Variants in AZIN2 observed in about 807,000 individuals in gnomAD.
AZIN2 encodes the protein antizyme inhibitor 2.
In AZIN2, 28 loss-of-function variants were observed where a neutral mutation model predicts 47.8. The ratio of observed to expected loss-of-function variants is 0.59; its 90% CI spans 0.43 to 0.80. AZIN2 has a LOEUF of 0.80. Ranked by LOEUF, AZIN2 falls within the 30% of genes least tolerant of loss-of-function variation. The pLI is 0.00. For missense variants in AZIN2, 535 were observed against 582.5 expected, an observed-to-expected ratio of 0.92 and a Z score of 0.84; for synonymous variants, 221 against 239.4, an observed-to-expected ratio of 0.92 and a Z score of 0.71.
the AZIN2 span, among the ~76,000 whole-genome samples, chr1:33,141,124 C>T: frequency 2.0e-5 from 3 of 152,046 alleles, no homozygotes; most frequent in Admixed American, 6.5e-5. Flanking sequence ...GACTGGCATG[C>T]ACACCCCAGG....
the AZIN2 span, among the ~76,000 whole-genome samples, chr1:33,150,612 C>T: frequency 9.8e-5 from 15 of 152,298 alleles, no homozygotes; most frequent in East Asian, 1.4e-3. Context: ...CAAGAGAGGA[C>T]GGCCACTGAG....
chr1:33,083,671 G>A, intron 4 of AZIN2: 1 of 483,108 alleles, frequency 2.1e-6, no homozygotes, highest in East Asian at 4.0e-5. Flanking sequence ...TATTCTGCAG[G>A]ACATGGTGGG....
At chr1:33,101,939 C>T in intron 10 of AZIN2, 1 of 768,610 alleles carries the variant, frequency 1.3e-6, no homozygotes, top group Non-Finnish European at 2.4e-6. Context: ...ATTCTCCTCT[C>T]AAGGCATTTG....
At chr1:33,129,857 A>ATTAT in the AZIN2 span, among the ~76,000 whole-genome samples, 2 of 152,044 alleles carry the variant, frequency 1.3e-5, no homozygotes, top group African/African-American at 2.4e-5. This position sits in a 1 kb window ranked among gnomAD's most constrained non-coding sequence, Gnocchi z 4.1. Context: ...AGCTTTGCAC[A>ATTAT]TTATTTATTT....
chr1:33,122,543 G>T lies in AZIN2; in HGVS notation c.*2361G>T, dbSNP rs1644814845. The stretch of plus-strand genomic sequence containing the variant: ...GAAAAAAGCCTGAAATGTGGAGAAT[G>T]GTAAGGGGCTTCAGGCTTGTGCAGG... On this transcript the variant is annotated 3_prime_UTR_variant, in exon 12 of 12. Coordinates refer to ENST00000294517, the MANE Select transcript of AZIN2 (RefSeq NM_052998.4). Among the ~76,000 whole-genome samples the T allele has an allele frequency of 6.6e-6, 1 of 152,188 alleles. No individual in the cohort carries two copies.
chr1:33,157,434 G>A, the AZIN2 span, among the ~76,000 whole-genome samples: 2 of 151,718 alleles, frequency 1.3e-5, no homozygotes, highest in African/African-American at 4.8e-5. Flanking sequence ...AGTGCGGGCT[G>A]GTTCCTGGAC....
intron 10 of AZIN2, among the ~76,000 whole-genome samples, chr1:33,114,057 G>T (rs1644404054): frequency 6.6e-6 from 1 of 151,618 alleles, no homozygotes; most frequent in South Asian, 2.1e-4. Context: ...TTGGCCATAG[G>T]GTTTTTTTTT....
rs191481980 is a variant in AZIN2, at chr1:33,110,963, A to G, written c.1030-6939A>G. 3.4e-3 allele frequency among the ~76,000 whole-genome samples: 519 copies of G among 152,334 alleles called. 5 individuals carry two copies. The highest frequency in any genetic ancestry group is 5.1e-3 in the Non-Finnish European group (348 of 68,026). On this transcript the variant is annotated intron_variant, in intron 10 of 11. Transcript: ENST00000294517. Reference sequence around the variant, plus strand: ...ACAGAGGAGGAGGGCTCCTCCCTCCAAGGCTGATATTGAAACCTTTGAGGA... The same window carrying G: ...ACAGAGGAGGAGGGCTCCTCCCTCCGAGGCTGATATTGAAACCTTTGAGGA...
At chr1:33,144,230 C>T in the AZIN2 span, among the ~76,000 whole-genome samples, 8 of 152,170 alleles carry the variant, frequency 5.3e-5, no homozygotes, top group South Asian at 2.1e-4. Flanking sequence ...CTCCGCCTCC[C>T]GGGTTCAAGA....
At chr1:33,108,906 T>G (rs1644152697) in intron 10 of AZIN2, among the ~76,000 whole-genome samples, 1 of 152,210 alleles carries the variant, frequency 6.6e-6, no homozygotes, top group Admixed American at 6.5e-5. Flanking sequence ...AATTGCTGGA[T>G]CATATGGTAA....
the AZIN2 span, among the ~76,000 whole-genome samples, chr1:33,134,113 A>G: frequency 2.6e-5 from 4 of 152,196 alleles, no homozygotes; most frequent in African/African-American, 9.7e-5. Flanking sequence ...GTGCTTCCCC[A>G]CAAGCATGCT....
chr1:33,084,716 G>T (rs1027320147), intron 5 of AZIN2, among the ~76,000 whole-genome samples: 1 of 152,048 alleles, frequency 6.6e-6, no homozygotes, highest in African/African-American at 2.4e-5. Context: ...CCTGCCCTCA[G>T]CCTCCCGAGT....
the AZIN2 span, among the ~76,000 whole-genome samples, chr1:33,132,249 C>T: frequency 6.6e-6 from 1 of 152,220 alleles, no homozygotes; most frequent in Non-Finnish European, 1.5e-5. Flanking sequence ...CGTGAGCTCT[C>T]CAGTCTCTAG....
the AZIN2 span, among the ~76,000 whole-genome samples, chr1:33,135,676 C>T: frequency 2.6e-5 from 4 of 152,344 alleles, no homozygotes; most frequent in East Asian, 7.7e-4. Flanking sequence ...ACTTACTCAG[C>T]ATGCAGGTCT....
intron 10 of AZIN2, among the ~76,000 whole-genome samples, chr1:33,100,579 G>A (rs550421832): frequency 6.6e-6 from 1 of 152,180 alleles, no homozygotes; most frequent in Admixed American, 6.5e-5. Flanking sequence ...GTGTGTGTGT[G>A]TGTGTGTGTG....
At chr1:33,147,156 T>A in the AZIN2 span, 1 of 1,607,938 alleles carries the variant, frequency 6.2e-7, no homozygotes, top group Non-Finnish European at 8.5e-7. This position sits in a 1 kb window ranked among gnomAD's most constrained non-coding sequence, Gnocchi z 8.1. Flanking sequence ...CCCAGGAGGT[T>A]GTGGTCTCCT....
the AZIN2 span, chr1:33,147,119 G>A: frequency 1.3e-6 from 2 of 1,574,366 alleles, no homozygotes; most frequent in Non-Finnish European, 1.7e-6. This position sits in a 1 kb window ranked among gnomAD's most constrained non-coding sequence, Gnocchi z 8.1. Context: ...CTATCTCCTG[G>A]GCAGGGCTCT....
the AZIN2 span, chr1:33,165,476 T>C: frequency 6.2e-7 from 1 of 1,601,708 alleles, no homozygotes; most frequent in Non-Finnish European, 8.5e-7. The surrounding 1 kb of genome is among the most constrained non-coding windows in gnomAD (Gnocchi z 4.0). Context: ...CTCACCTTGG[T>C]CTCCGCCAGT....
the AZIN2 span, among the ~76,000 whole-genome samples, chr1:33,160,685 G>A: frequency 2.0e-5 from 3 of 152,152 alleles, no homozygotes; most frequent in Non-Finnish European, 2.9e-5. Flanking sequence ...GATTACAGGC[G>A]TGAGCCATCG....
Sources: gnomAD v4.1 joint callset for allele counts (sites outside exome capture counted in the v4.1 genomes callset) on GRCh38, gnomAD v4.1.1 for gene constraint, Gnocchi (gnomAD v3.1) non-coding constraint, MANE v1.5 for transcripts, NCBI Gene and HGNC (gene_info 2026-07-23, HGNC 2026-07-21) for gene names.